Variants in LRRC8C observed in about 807,000 individuals in gnomAD.
The protein encoded by LRRC8C is volume-regulated anion channel subunit LRRC8C.
A neutral mutation model predicts 55.3 loss-of-function variants in LRRC8C; 20 were observed. That is an observed-to-expected ratio of 0.36 (90% confidence interval 0.25 to 0.53). LRRC8C has a LOEUF of 0.53. LRRC8C is among the 20% of genes least tolerant of loss of function. LRRC8C has a pLI of 0.92. For synonymous variants in LRRC8C, 376 were observed against 360.7 expected (o/e 1.04, Z -0.48); for missense variants, 659 against 951.4 (o/e 0.69, Z 4.04).
Position 89,712,747 on chromosome 1 carries a change from G to A in LRRC8C, c.177G>A (p.Val59=). ...QDKIICLPKR[V]QPAQNHSSLS... ...AGATAATCTGCCTTCCGAAAAGAGT[G>A]CAGCCTGCTCAGAACCACTCTTCCC... Residue 59 remains valine, a synonymous_variant, in exon 3 of 3, where the codon GTG becomes GTA. Transcript: ENST00000370454. 6.2e-7 allele frequency: 1 copy of A among 1,614,124 alleles called. No individual in the cohort carries two copies. The highest frequency in any genetic ancestry group is 2.2e-5 in the East Asian group (1 of 44,886).
At chr1:89,709,941 C>A (rs1465720618) in intron 2 of LRRC8C, among the ~76,000 whole-genome samples, 1 of 151,992 alleles carries the variant, frequency 6.6e-6, no homozygotes, top group Non-Finnish European at 1.5e-5. Context: ...TCAGTAGAGA[C>A]GGGGTTTCAC....
chr1:89,618,075 T>C, the LRRC8C span, among the ~76,000 whole-genome samples: 2 of 152,180 alleles, frequency 1.3e-5, no homozygotes, highest in Non-Finnish European at 2.9e-5. Flanking sequence ...GGTCAAATGA[T>C]TAAACTCAGT....
At chr1:89,696,354 A>AG (rs1658172114) in intron 2 of LRRC8C, among the ~76,000 whole-genome samples, 1 of 152,158 alleles carries the variant, frequency 6.6e-6, no homozygotes, top group Admixed American at 6.5e-5. Context: ...CTGCAAAAAA[A>AG]GTGGGGGTGT....
intron 1 of LRRC8C, among the ~76,000 whole-genome samples, chr1:89,637,920 C>T (rs776576151): frequency 2.1e-4 from 32 of 152,032 alleles, no homozygotes; most frequent in Admixed American, 5.2e-4. Flanking sequence ...TTTTAAAATA[C>T]GGTTCTAAGT....
chr1:89,672,788 A>T (rs1051009202), intron 1 of LRRC8C, among the ~76,000 whole-genome samples: 3 of 106,088 alleles, frequency 2.8e-5, no homozygotes, highest in Non-Finnish European at 6.8e-5. Flanking sequence ...CTGGATATTT[A>T]TTTATTTATT....
At chr1:89,656,132 G>T (rs189505219) in intron 1 of LRRC8C, among the ~76,000 whole-genome samples, 9 of 152,336 alleles carry the variant, frequency 5.9e-5, no homozygotes, top group African/African-American at 1.9e-4. Context: ...CTCTTTCAGT[G>T]AACTTTCCTG....
chr1:89,709,458 C>T (rs997894591), intron 2 of LRRC8C, among the ~76,000 whole-genome samples: 2 of 152,216 alleles, frequency 1.3e-5, no homozygotes, highest in Non-Finnish European at 2.9e-5. Context: ...GTGAGAGGTA[C>T]ACAAGCTAGA....
chr1:89,687,871 A>T (rs1297765158), intron 2 of LRRC8C, among the ~76,000 whole-genome samples: 1 of 152,246 alleles, frequency 6.6e-6, no homozygotes, highest in African/African-American at 2.4e-5. Context: ...AGAAATCACT[A>T]GAAGTGGTAC....
At chr1:89,701,970 C>T (rs1313748801) in intron 2 of LRRC8C, among the ~76,000 whole-genome samples, 5 of 152,004 alleles carry the variant, frequency 3.3e-5, no homozygotes, top group Non-Finnish European at 7.4e-5. Context: ...GAGACTGGAG[C>T]CTGGTCACTG....
chr1:89,662,893 T>C (rs544445413), intron 1 of LRRC8C, among the ~76,000 whole-genome samples: 5 of 152,312 alleles, frequency 3.3e-5, no homozygotes, highest in African/African-American at 9.6e-5. Flanking sequence ...TACATAGGTA[T>C]ACACGTGCCA....
At chr1:89,668,620 T>C (rs1657332920) in intron 1 of LRRC8C, among the ~76,000 whole-genome samples, 1 of 152,198 alleles carries the variant, frequency 6.6e-6, no homozygotes, top group Non-Finnish European at 1.5e-5. Context: ...TGTTAGAGAC[T>C]AAAATAATTT....
intron 1 of LRRC8C, among the ~76,000 whole-genome samples, chr1:89,650,498 A>T (rs1192964446): frequency 6.6e-6 from 1 of 150,532 alleles, no homozygotes; most frequent in African/African-American, 2.4e-5. Flanking sequence ...TTAGGAAGTA[A>T]AAAAAAAAAG....
chr1:89,656,552 G>T (rs1194864546), intron 1 of LRRC8C, among the ~76,000 whole-genome samples: 1 of 152,156 alleles, frequency 6.6e-6, no homozygotes, highest in Non-Finnish European at 1.5e-5. Flanking sequence ...TGTAATTCAA[G>T]AATTGGGGCA....
At chr1:89,687,887 G>A (rs913094651) in intron 2 of LRRC8C, among the ~76,000 whole-genome samples, 11 of 152,188 alleles carry the variant, frequency 7.2e-5, no homozygotes, top group African/African-American at 2.7e-4. Flanking sequence ...GGTACAGAGC[G>A]AAAATAAAGT....
intron 2 of LRRC8C, among the ~76,000 whole-genome samples, chr1:89,697,131 A>G (rs1658195191): frequency 6.6e-6 from 1 of 152,200 alleles, no homozygotes. Flanking sequence ...TTTAAGGATG[A>G]CACTATCTAT....
chr1:89,639,089 G>A (rs951834253), intron 1 of LRRC8C, among the ~76,000 whole-genome samples: 4 of 151,600 alleles, frequency 2.6e-5, no homozygotes, highest in African/African-American at 9.7e-5. Context: ...GGGTCCAGGC[G>A]ATTCTCCTGC....
intron 2 of LRRC8C, among the ~76,000 whole-genome samples, chr1:89,705,593 A>C (rs1387089364): frequency 6.6e-6 from 1 of 151,988 alleles, no homozygotes; most frequent in Non-Finnish European, 1.5e-5. Flanking sequence ...CAGCCTGGGC[A>C]ACATGGTAAA....
rs532104075 is a variant in LRRC8C, at chr1:89,665,700, A to T, written c.-4-20770A>T. On this transcript the variant is annotated intron_variant, in intron 1 of 2. Coordinates refer to ENST00000370454, the MANE Select transcript of LRRC8C (RefSeq NM_032270.5). Reference sequence around the variant, plus strand: ...ACAGCTTATTGTTGAAGAAAGAAAAATTTTTTTTATAAATTTAGTGTAGCC... The same window carrying T: ...ACAGCTTATTGTTGAAGAAAGAAAATTTTTTTTTATAAATTTAGTGTAGCC... Among the ~76,000 whole-genome samples the T allele has an allele frequency of 5.3e-5, 8 of 152,050 alleles. No homozygotes were observed. In the South Asian group the frequency reaches 1.2e-3, roughly 24 times the overall value.
chr1:89,706,093 T>G (rs973615789), intron 2 of LRRC8C, among the ~76,000 whole-genome samples: 1 of 152,190 alleles, frequency 6.6e-6, no homozygotes, highest in African/African-American at 2.4e-5. Flanking sequence ...CTTATCACAC[T>G]AATTACTGAT....
Sources: allele counts gnomAD v4.1 joint callset (sites outside exome capture counted in the v4.1 genomes callset), GRCh38; gene constraint gnomAD v4.1.1; transcripts MANE v1.5; gene names NCBI Gene and HGNC (gene_info 2026-07-23, HGNC 2026-07-21).